Variants in FBXL17 observed in about 807,000 individuals in gnomAD.
FBXL17 encodes F-box and leucine rich repeat protein 17.
Under a neutral mutation model 66.2 loss-of-function variants are expected in FBXL17, and 22 were observed. The ratio of observed to expected loss-of-function variants is 0.33; its 90% CI spans 0.24 to 0.47. FBXL17 has a LOEUF of 0.47. Ranked by LOEUF, FBXL17 falls within the 20% of genes least tolerant of loss-of-function variation. The pLI is 1.00. For missense variants in FBXL17, 878 were observed against 948.2 expected (o/e 0.93, Z 0.97); for synonymous variants, 474 against 400.5 (o/e 1.18, Z -2.19).
intron 6 of FBXL17, among the ~76,000 whole-genome samples, chr5:108,099,905 C>T (rs116264736): frequency 0.011 from 1,646 of 152,200 alleles, 40 homozygotes; most frequent in African/African-American, 0.038. Flanking sequence ...TAAATCATAA[C>T]CATAAGAATC....
chr5:108,173,564 T>C (rs1752685372), intron 6 of FBXL17, among the ~76,000 whole-genome samples: 1 of 152,158 alleles, frequency 6.6e-6, no homozygotes. Flanking sequence ...AACACGTGTT[T>C]CTCTAAAAGA....
intron 6 of FBXL17, among the ~76,000 whole-genome samples, chr5:108,110,932 G>A (rs1183698790): frequency 6.6e-6 from 1 of 152,086 alleles, no homozygotes; most frequent in Non-Finnish European, 1.5e-5. Flanking sequence ...TAGGTACTAA[G>A]CCTCCCTTTC....
At chr5:108,157,698 T>C (rs1025985660) in intron 6 of FBXL17, among the ~76,000 whole-genome samples, 13 of 151,896 alleles carry the variant, frequency 8.6e-5, no homozygotes, top group African/African-American at 3.1e-4. Context: ...TTAAGAAATA[T>C]AAATACTTGA....
At chr5:107,989,413 A>C (rs2112688583) in intron 7 of FBXL17, among the ~76,000 whole-genome samples, 1 of 152,046 alleles carries the variant, frequency 6.6e-6, no homozygotes, top group South Asian at 2.1e-4. Context: ...GGTTTATTTC[A>C]CTTAACATAA....
intron 6 of FBXL17, among the ~76,000 whole-genome samples, chr5:108,071,610 CTCTT>C (rs1748336094): frequency 8.3e-6 from 1 of 120,584 alleles, no homozygotes; most frequent in African/African-American, 2.9e-5. Context: ...TTCTCCTTCT[CTCTT>C]TCTCTTTCTT....
chr5:107,930,486 A>C (rs986468859), intron 7 of FBXL17, among the ~76,000 whole-genome samples: 1 of 152,198 alleles, frequency 6.6e-6, no homozygotes, highest in Non-Finnish European at 1.5e-5. Flanking sequence ...AAGTCTTGTA[A>C]ATTCCCTGAA....
At chr5:108,288,365 C>T (rs1277505909) in intron 4 of FBXL17, among the ~76,000 whole-genome samples, 2 of 151,174 alleles carry the variant, frequency 1.3e-5, no homozygotes, top group African/African-American at 4.9e-5. Flanking sequence ...TTAGCACATG[C>T]TATTGAAAAA....
chr5:108,302,042 C>A, intron 4 of FBXL17: 1 of 984,686 alleles, frequency 1.0e-6, no homozygotes, highest in South Asian at 4.7e-5. Flanking sequence ...TTCTGTGCGC[C>A]AACCCATCAT....
intron 4 of FBXL17, among the ~76,000 whole-genome samples, chr5:108,342,658 A>T (rs1387164112): frequency 6.6e-6 from 1 of 152,176 alleles, no homozygotes; most frequent in Non-Finnish European, 1.5e-5. Flanking sequence ...CTGGGTTAGA[A>T]TTTTGACTTT....
At chr5:108,102,088 G>A (rs1483750023) in intron 6 of FBXL17, among the ~76,000 whole-genome samples, 1 of 152,066 alleles carries the variant, frequency 6.6e-6, no homozygotes, top group Non-Finnish European at 1.5e-5. Flanking sequence ...CTTGTACTCT[G>A]CCCCAAGAAA....
At chr5:108,307,923 G>A (rs1207238981) in intron 4 of FBXL17, among the ~76,000 whole-genome samples, 1 of 152,128 alleles carries the variant, frequency 6.6e-6, no homozygotes, top group African/African-American at 2.4e-5. Context: ...ATGTGTATAT[G>A]TAATACACAA....
intron 2 of FBXL17, among the ~76,000 whole-genome samples, chr5:108,366,759 A>G (rs1436897332): frequency 2.6e-5 from 4 of 152,110 alleles, no homozygotes; most frequent in Non-Finnish European, 4.4e-5. Context: ...AAGCAAGTAA[A>G]TAACAAATTA....
chr5:107,949,411 A>G (rs1482362726), intron 7 of FBXL17, among the ~76,000 whole-genome samples: 1 of 152,194 alleles, frequency 6.6e-6, no homozygotes, highest in East Asian at 1.9e-4. Context: ...TGAGAAGAAA[A>G]GATCTGGAAG....
chr5:108,144,046 A>G (rs935452153), intron 6 of FBXL17, among the ~76,000 whole-genome samples: 4 of 152,198 alleles, frequency 2.6e-5, no homozygotes, highest in African/African-American at 9.6e-5. Context: ...TCACATTTAT[A>G]TGATGATGGC....
chr5:108,246,498 C>A (rs537400229), intron 4 of FBXL17, among the ~76,000 whole-genome samples: 2 of 152,190 alleles, frequency 1.3e-5, no homozygotes, highest in East Asian at 3.9e-4. Context: ...CCCTAGCTGA[C>A]CCTGTCTCAA....
intron 6 of FBXL17, among the ~76,000 whole-genome samples, chr5:108,105,759 C>T (rs1451233745): frequency 1.0e-5 from 1 of 100,320 alleles, no homozygotes; most frequent in Non-Finnish European, 2.1e-5. Context: ...CTAACTTTAA[C>T]ATTAACTACC....
intron 3 of FBXL17, among the ~76,000 whole-genome samples, chr5:108,356,708 A>G (rs1327325677): frequency 6.6e-6 from 1 of 152,068 alleles, no homozygotes; most frequent in Non-Finnish European, 1.5e-5. Context: ...GGATTTTTAG[A>G]GCAGTGAAAA....
At chr5:107,875,107 CT>C (rs374471434) in intron 8 of FBXL17, among the ~76,000 whole-genome samples, 2,274 of 143,126 alleles carry the variant, frequency 0.016, 50 homozygotes, top group African/African-American at 0.047. Context: ...CTCTCTCTCT[CT>C]TTTTTTTTTT....
intron 3 of FBXL17, among the ~76,000 whole-genome samples, chr5:108,361,224 G>C (rs983944415): frequency 1.3e-5 from 2 of 152,102 alleles, no homozygotes; most frequent in Non-Finnish European, 2.9e-5. Flanking sequence ...TGGGAAATTA[G>C]ATTCTCCCCA....
Sources: gnomAD v4.1 joint callset for allele counts (sites outside exome capture counted in the v4.1 genomes callset) on GRCh38, gnomAD v4.1.1 for gene constraint, MANE v1.5 for transcripts, NCBI Gene and HGNC (gene_info 2026-07-23, HGNC 2026-07-21) for gene names.